Variants in CDKL5 observed in about 807,000 individuals in gnomAD.
CDKL5 encodes the protein cyclin dependent kinase like 5, also known as cyclin-dependent kinase-like 5.
A neutral mutation model predicts 61.7 loss-of-function variants in CDKL5; 8 were observed. That is an observed-to-expected ratio of 0.13 (90% CI 0.08 to 0.23). CDKL5 has a LOEUF of 0.23. CDKL5 is among the 10% of genes least tolerant of loss of function. The pLI is 1.00. For missense variants in CDKL5, 440 were observed against 734.5 expected (o/e 0.60, Z 4.63); for synonymous variants, 275 against 272.3 (o/e 1.01, Z -0.10).
chrX:18,445,877 A>G (rs759410914), intron 1 of CDKL5, among the ~76,000 whole-genome samples: 33 of 111,230 alleles, frequency 3.0e-4, no homozygotes, highest in Non-Finnish European at 5.1e-4. Flanking sequence ...GAATGGACTA[A>G]TACAGGAAAC....
At chrX:18,544,229 A>C (rs1302597435) in intron 3 of CDKL5, among the ~76,000 whole-genome samples, 1 of 112,014 alleles carries the variant, frequency 8.9e-6, no homozygotes, top group Non-Finnish European at 1.9e-5. Flanking sequence ...TCTGGGCTTT[A>C]TAATCATAAG....
At chrX:18,510,974 AC>A (rs758609121) in intron 3 of CDKL5, 120 bp downstream of exon 3, 10 of 544,055 alleles carry the variant, frequency 1.8e-5, no homozygotes, top group Middle Eastern at 5.6e-4. Context: ...AATGCTTGAG[AC>A]CAGAAATGTT....
intron 1 of CDKL5, among the ~76,000 whole-genome samples, chrX:18,468,731 G>A (rs1284937057): frequency 1.8e-5 from 2 of 111,338 alleles, no homozygotes; most frequent in Non-Finnish European, 3.8e-5. Context: ...CTCACCCCCA[G>A]TACTACTAGC....
chrX:18,615,427 G>A (rs920960521), intron 15 of CDKL5, among the ~76,000 whole-genome samples: 2 of 111,635 alleles, frequency 1.8e-5, no homozygotes, highest in East Asian at 5.6e-4. Context: ...TCTTTGTTGC[G>A]AGGGGATGGA....
At chrX:18,595,568 TA>T in intron 10 of CDKL5, 140 bp downstream of exon 10, 1 of 477,040 alleles carries the variant, frequency 2.1e-6, no homozygotes. Flanking sequence ...TATGTCATAT[TA>T]AAAGGCATGT....
At chrX:18,647,559 C>T in intron 20 of CDKL5, 1 of 413,514 alleles carries the variant, frequency 2.4e-6, no homozygotes, top group East Asian at 4.1e-5. Context: ...ACTCAACAGC[C>T]TTTGTAAAAG....
chrX:18,613,437 C>CT (rs1214893297), intron 15 of CDKL5, among the ~76,000 whole-genome samples, 162 bp downstream of exon 15: 2 of 111,259 alleles, frequency 1.8e-5, no homozygotes, highest in African/African-American at 6.5e-5. Flanking sequence ...TTATTGGTAA[C>CT]TTTTTTCCAG....
rs532604405 is a variant in CDKL5, at chrX:18,463,498, T to A, written c.-163+37803T>A. On this transcript the variant is annotated intron_variant, in intron 1 of 17. Coordinates refer to ENST00000623535, the MANE Select transcript of CDKL5 (RefSeq NM_001323289.2). ...GGAATTATACAATTCCGTAACAAAT[T>A]TTCTCAGACAAATTGAATTTGAATA... Among the ~76,000 whole-genome samples the A allele has an allele frequency of 2.1e-3, 240 of 112,383 alleles. 1 individual carries two copies. The highest frequency in any genetic ancestry group is 8.6e-3 in the Admixed American group (90 of 10,525).
chrX:18,445,563 T>G (rs767516915), intron 1 of CDKL5, among the ~76,000 whole-genome samples: 17 of 111,917 alleles, frequency 1.5e-4, no homozygotes, highest in African/African-American at 5.5e-4. Context: ...CCAAATCTGA[T>G]CTCGAATTGT....
chrX:18,572,296 A>G (rs991765675), intron 4 of CDKL5, among the ~76,000 whole-genome samples: 3 of 111,983 alleles, frequency 2.7e-5, no homozygotes, highest in African/African-American at 9.7e-5. Context: ...AACCATCCTG[A>G]TGCAGCCATT....
chrX:18,507,723 C>G (rs983958129), intron 2 of CDKL5, among the ~76,000 whole-genome samples: 14 of 110,831 alleles, frequency 1.3e-4, no homozygotes, highest in Admixed American at 8.7e-4. Context: ...GCCACTGTGC[C>G]CAGCTAATTT....
intron 4 of CDKL5, among the ~76,000 whole-genome samples, chrX:18,568,489 G>T (rs1447671186): frequency 8.9e-6 from 1 of 111,906 alleles, no homozygotes; most frequent in Non-Finnish European, 1.9e-5. Context: ...CACAAGTTAG[G>T]TTATAGTAGT....
chrX:18,518,007 A>G (rs1456119780), intron 3 of CDKL5, among the ~76,000 whole-genome samples: 1 of 111,904 alleles, frequency 8.9e-6, no homozygotes, highest in Non-Finnish European at 1.9e-5. Context: ...TCCGTCTCAG[A>G]AAACAACAGA....
intron 1 of CDKL5, among the ~76,000 whole-genome samples, chrX:18,445,076 CTTTTT>C (rs1187295211): frequency 1.1e-5 from 1 of 91,120 alleles, no homozygotes. Flanking sequence ...GTTTGGGTCA[CTTTTT>C]TTTTTTTTTT....
chrX:18,572,726 T>C (rs988212233), intron 4 of CDKL5, among the ~76,000 whole-genome samples: 2 of 111,930 alleles, frequency 1.8e-5, no homozygotes, highest in African/African-American at 6.5e-5. Context: ...TGGGCAGAGA[T>C]TTCCTTATGG....
At position 18,632,911 on chromosome X, in the gene CDKL5, T is replaced by A; in HGVS notation, c.*4154T>A. On this transcript the variant is annotated 3_prime_UTR_variant, in exon 18 of 18. Coordinates refer to ENST00000623535, the MANE Select transcript of CDKL5 (RefSeq NM_001323289.2). ...CATTTATTTTCTTCTAGCCATGTAT[T>A]ATTGAGAATGACTCATAGTACAACT... is the stretch of plus-strand genomic sequence containing the variant. The A allele has an allele frequency of 1.3e-6, 1 of 751,822 alleles. No homozygotes were observed. The allele number at this position is 751,822 out of a possible 1,213,427, so 62.0% of individuals were successfully genotyped here.
downstream of CDKL5, chrX:18,640,433 C>CT (rs1927527497): frequency 4.0e-5 from 2 of 50,160 alleles, no homozygotes; most frequent in African/African-American, 9.4e-5. Context: ...TAAGTCCCCC[C>CT]ACCCCCCCCC....
At chrX:18,625,314 G>A in intron 17 of CDKL5, 67 bp downstream of exon 17, 1 of 1,142,934 alleles carries the variant, frequency 8.7e-7, no homozygotes, top group Non-Finnish European at 1.2e-6. Flanking sequence ...GAGCGGGGAG[G>A]GCATGCTAGA....
At chrX:18,603,806 C>T in intron 11 of CDKL5, 96 bp from the exon 12 acceptor site, 1 of 986,267 alleles carries the variant, frequency 1.0e-6, no homozygotes, top group East Asian at 3.0e-5. Flanking sequence ...TTTTAGTCTT[C>T]CAGGTGTTTT....
Sources: gnomAD v4.1 joint callset for allele counts (sites outside exome capture counted in the v4.1 genomes callset) on GRCh38, gnomAD v4.1.1 for gene constraint, MANE v1.5 for transcripts, NCBI Gene and HGNC (gene_info 2026-07-23, HGNC 2026-07-21) for gene names.